Variants in MLF2 observed in about 807,000 individuals in gnomAD.
MLF2 encodes the protein myelodysplasia-myeloid leukemia factor 2.
MLF2 carries 12 observed loss-of-function variants against 31.4 expected under a neutral mutation model. The observed-to-expected ratio is 0.38, with a 90% confidence interval of 0.24 to 0.62. MLF2 has a LOEUF of 0.62. MLF2 is among the 20% of genes least tolerant of loss of function. The pLI, the probability that MLF2 is intolerant of heterozygous loss-of-function variation, is 0.58. For missense variants in MLF2, 272 were observed against 359.7 expected, an observed-to-expected ratio of 0.76 and a Z score of 1.97; for synonymous variants, 109 against 118.8, an observed-to-expected ratio of 0.92 and a Z score of 0.54.
Position 6,749,115 on chromosome 12 carries a change from T to C in MLF2, c.560-133A>G. 1.0e-6 allele frequency: 1 copy of C among 958,512 alleles called. No individual in the cohort carries two copies. Among genetic ancestry groups the C allele is most frequent in the South Asian group, 1.8e-5 (1 of 54,712 alleles). The allele number at this position is 958,512 out of a possible 1,614,324, so 59.4% of individuals were successfully genotyped here. A position where few individuals can be genotyped will look rare whatever the true frequency, so the allele number is the denominator to read the frequency against. ...CGTGCAGGGATGGGTGGGGTGGCAA[T>C]TCCCTTAGCTCTTTTGGTTTCTGCA... On this transcript the variant is annotated intron_variant, in intron 7 of 8. Coordinates refer to ENST00000203630, the MANE Select transcript of MLF2 (RefSeq NM_001382226.1). This position sits in a 1 kb window ranked among gnomAD's most constrained non-coding sequence, Gnocchi z 5.3.
Position 6,751,936 on chromosome 12 carries a change from G to A in MLF2, c.169C>T (p.Arg57Trp), listed in dbSNP as rs890848019. 7 of 1,614,014 alleles carry A rather than the reference G, an allele frequency of 4.3e-6. No homozygotes were observed. The highest frequency in any genetic ancestry group is 1.1e-5 in the South Asian group (1 of 91,088). ...CTCAGCATCATTACCTGCTGCATCC[G>A]GCGGCTGGCAGGCCTGGTCCCTGGC... is the stretch of plus-strand genomic sequence containing the variant. ...NMPGTRPASR[R>W]MQQAGAVSPF... The change falls in exon 3 of 9, where the codon CGG becomes TGG. Residue 57 changes from arginine to tryptophan, a missense_variant. Coordinates refer to ENST00000203630, the MANE Select transcript of MLF2 (RefSeq NM_001382226.1).
chr12:6,749,212 A>T lies in MLF2; in HGVS notation c.560-230T>A, dbSNP rs1296388481. Reference sequence around the variant, plus strand: ...AGAAATCAGAATGGGATTATTCTTCAGTTCAGGTTCACAGTCCTATGTGCA... The same window carrying T: ...AGAAATCAGAATGGGATTATTCTTCTGTTCAGGTTCACAGTCCTATGTGCA... On this transcript the variant is annotated intron_variant, in intron 7 of 8. Transcript: ENST00000203630. This position sits in a 1 kb window ranked among gnomAD's most constrained non-coding sequence, Gnocchi z 5.3. 6.6e-6 allele frequency among the ~76,000 whole-genome samples: 1 copy of T among 152,258 alleles called. No homozygotes were observed. Among genetic ancestry groups the T allele is most frequent in the Non-Finnish European group, 1.5e-5 (1 of 68,042 alleles).
rs1365374931 is a variant in MLF2, at chr12:6,750,675, G to A, written c.270+38C>T. ...ATGCAAGGTGTTGTCAGCCATCACT[G>A]AGAGCAAGGCCGGGGAAGGGTATGG... On this transcript the variant is annotated intron_variant, in intron 5 of 8. Transcript: ENST00000203630. This position sits in a 1 kb window ranked among gnomAD's most constrained non-coding sequence, Gnocchi z 5.3. 6.2e-7 allele frequency: 1 copy of A among 1,602,600 alleles called. No homozygotes were observed. Among genetic ancestry groups the A allele is most frequent in the African/African-American group, 1.3e-5 (1 of 74,786 alleles).
intron 4 of MLF2, chr12:6,751,221 C>CTT (rs58891397): frequency 7.7e-4 from 148 of 192,390 alleles, no homozygotes; most frequent in South Asian, 1.6e-3. Context: ...AACATCTTTT[C>CTT]TTTTTTTTTT....
chr12:6,752,403 G>T lies in MLF2; in HGVS notation c.-28-41C>A. ...AGCTCAGATACTTGGAGGTGGCCAG[G>T]GTTTTGCACACCCACTCAGTGTGGG... On this transcript the variant is annotated intron_variant, in intron 1 of 8. Transcript: ENST00000203630. The surrounding 1 kb of genome is among the most constrained non-coding windows in gnomAD (Gnocchi z 4.6). 2.0e-6 allele frequency: 3 copies of T among 1,493,032 alleles called. No homozygotes were observed. The highest frequency in any genetic ancestry group is 2.7e-6 in the Non-Finnish European group (3 of 1,095,230). The allele number at this position is 1,493,032 out of a possible 1,614,324, so 92.5% of individuals were successfully genotyped here.
chr12:6,751,922 T>C lies in MLF2; in HGVS notation c.180+3A>G. 1 of 1,614,140 alleles carries C rather than the reference T, an allele frequency of 6.2e-7. No individual in the cohort carries two copies. Among genetic ancestry groups the C allele is most frequent in the East Asian group, 2.2e-5 (1 of 44,892 alleles). On this transcript the variant is annotated splice_donor_region_variant and intron_variant, in intron 3 of 8. Coordinates refer to ENST00000203630, the MANE Select transcript of MLF2 (RefSeq NM_001382226.1). ...GGTCTCAGGTGTGTCTCAGCATCATTACCTGCTGCATCCGGCGGCTGGCAG... is the reference window on the plus strand; with the variant it reads ...GGTCTCAGGTGTGTCTCAGCATCATCACCTGCTGCATCCGGCGGCTGGCAG...
Position 6,750,297 on chromosome 12 carries a change from C to T in MLF2, c.279G>A (p.Met93Ile). The T allele has an allele frequency of 6.2e-7, 1 of 1,614,058 alleles. No individual in the cohort carries two copies. Among genetic ancestry groups the T allele is most frequent in the Non-Finnish European group, 8.5e-7 (1 of 1,179,980 alleles). Residue 93 changes from methionine (M) to isoleucine (I), a missense_variant, in exon 6 of 9, where the codon ATG becomes ATA. Physicochemically the swap from Met to Ile is conservative, Grantham distance 10. Transcript: ENST00000203630. The surrounding 1 kb of genome is among the most constrained non-coding windows in gnomAD (Gnocchi z 5.3). ...AGGTCTGGCAATTGCCTCCAGCTGT[C>T]ATGTGTTCCTGAGGACAGGGTAGGT... is the stretch of plus-strand genomic sequence containing the variant. ...MNDMIGNMEH[M>I]TAGGNCQTFS...
Position 6,748,495 on chromosome 12 carries a change from A to C in MLF2, c.*78T>G, listed in dbSNP as rs1185286415. ...ATTTAATATTAAATTGGGGATGGGAATCGAGAGGAAAAAGTTATTCAGGGG... is the reference window on the plus strand; with the variant it reads ...ATTTAATATTAAATTGGGGATGGGACTCGAGAGGAAAAAGTTATTCAGGGG... On this transcript the variant is annotated 3_prime_UTR_variant, in exon 9 of 9. Transcript: ENST00000203630. The surrounding 1 kb of genome is among the most constrained non-coding windows in gnomAD (Gnocchi z 4.6). 13 of 267,996 alleles carry C rather than the reference A, an allele frequency of 4.9e-5. No homozygotes were observed. The highest frequency in any genetic ancestry group is 6.5e-5 in the East Asian group (1 of 15,430). 16.6% of individuals were successfully genotyped at this position (267,996 alleles called of 1,614,324 possible).
intron 3 of MLF2, 92 bp downstream of exon 3, chr12:6,751,833 T>C: frequency 6.3e-7 from 1 of 1,580,332 alleles, no homozygotes; most frequent in Non-Finnish European, 8.7e-7. Flanking sequence ...GCATTTCACT[T>C]GCTCAGTTGG....
In MLF2 at chr12:6,748,923, G is replaced by A. The variant is rs1385473534; in HGVS notation, c.619C>T (p.Arg207Cys). Residue 207 changes from arginine to cysteine, a missense_variant, in exon 8 of 9, where the codon CGT (arginine) becomes TGT (cysteine). Coordinates refer to ENST00000203630, the MANE Select transcript of MLF2 (RefSeq NM_001382226.1). This position sits in a 1 kb window ranked among gnomAD's most constrained non-coding sequence, Gnocchi z 4.6. ...TCAAGCCGCCGAAACTCCAGGGGACGCTGCTGCCGGAATCGGGAGGTCTCC... is the reference window on the plus strand; with the variant it reads ...TCAAGCCGCCGAAACTCCAGGGGACACTGCTGCCGGAATCGGGAGGTCTCC... ...RRETSRFRQQRPLEFRRLESS... is the reference protein window; with the variant it reads ...RRETSRFRQQCPLEFRRLESS... 3.1e-6 allele frequency: 5 copies of A among 1,602,130 alleles called. No individual in the cohort carries two copies. Among genetic ancestry groups the A allele is most frequent in the Admixed American group, 3.4e-5 (2 of 58,656 alleles).
Position 6,751,773 on chromosome 12 carries a change from A to G in MLF2, c.181-97T>C, listed in dbSNP as rs1565475312. ...GGCCTCAATTTTTTTCCATCCTCTC[A>G]AAAGGGAGTCACAAAGCCCTTTTTC... On this transcript the variant is annotated intron_variant, in intron 3 of 8. Coordinates refer to ENST00000203630, the MANE Select transcript of MLF2 (RefSeq NM_001382226.1). 4.5e-6 allele frequency: 7 copies of G among 1,567,174 alleles called. No homozygotes were observed. In the East Asian group the frequency reaches 1.6e-4, roughly 35 times the overall value.
chr12:6,751,722 T>C, intron 3 of MLF2, 46 bp from the exon 4 acceptor site: 1 of 1,609,662 alleles, frequency 6.2e-7, no homozygotes, highest in Non-Finnish European at 8.5e-7. Context: ...ACATCCTATC[T>C]CTTTACAATC....
At position 6,752,268 on chromosome 12, in the gene MLF2, G is replaced by T. The variant is rs1200308024; in HGVS notation, c.50+17C>A. On this transcript the variant is annotated intron_variant, in intron 2 of 8. Transcript: ENST00000203630. This position sits in a 1 kb window ranked among gnomAD's most constrained non-coding sequence, Gnocchi z 4.6. Reference sequence around the variant, plus strand: ...GAGACCTGGAGTGGGAGAGCTTGAGGGGGAGGGAATACTCACATCAGGAAC... The same window carrying T: ...GAGACCTGGAGTGGGAGAGCTTGAGTGGGAGGGAATACTCACATCAGGAAC... 5 of 1,559,270 alleles carry T rather than the reference G, an allele frequency of 3.2e-6. No homozygotes were observed. The highest frequency in any genetic ancestry group is 1.2e-5 in the South Asian group (1 of 84,734).
rs756761408 is a variant in MLF2, at chr12:6,750,702, G to A, written c.270+11C>T. Reference sequence around the variant, plus strand: ...GAGCAAGGCCGGGGAAGGGTATGGGGCAAGTCTCACCATGTTTCCAATCAT... The same window carrying A: ...GAGCAAGGCCGGGGAAGGGTATGGGACAAGTCTCACCATGTTTCCAATCAT... On this transcript the variant is annotated intron_variant, in intron 5 of 8. Coordinates refer to ENST00000203630, the MANE Select transcript of MLF2 (RefSeq NM_001382226.1). The surrounding 1 kb of genome is among the most constrained non-coding windows in gnomAD (Gnocchi z 5.3). 2.5e-6 allele frequency: 4 copies of A among 1,613,672 alleles called. No individual in the cohort carries two copies. The Admixed American group carries it at 5.0e-5, about 20-fold the overall frequency.
rs1941633075 is a variant in MLF2 at position 6,752,597 on chromosome 12, C to T, written c.-28-235G>A. On this transcript the variant is annotated intron_variant, in intron 1 of 8. Coordinates refer to ENST00000203630, the MANE Select transcript of MLF2 (RefSeq NM_001382226.1). The surrounding 1 kb of genome is among the most constrained non-coding windows in gnomAD (Gnocchi z 4.6). ...TCCAACCCTCTCGGTTTTTCCCTCC[C>T]CCACTCAGAGCCATCCTCTTCCCAA... 3 of 454,146 alleles carry T rather than the reference C, an allele frequency of 6.6e-6. No homozygotes were observed. Among genetic ancestry groups the T allele is most frequent in the South Asian group, 2.9e-5 (1 of 34,248 alleles). The allele number at this position is 454,146 out of a possible 1,614,324, so 28.1% of individuals were successfully genotyped here.
rs1941594293 is a variant in MLF2, at chr12:6,750,234, A to G, written c.342T>C (p.Gly114=). 1 of 1,614,074 alleles carries G rather than the reference A, an allele frequency of 6.2e-7. No homozygotes were observed. Among genetic ancestry groups the G allele is most frequent in the Non-Finnish European group, 8.5e-7 (1 of 1,180,010 alleles). The change falls in exon 6 of 9, where the codon GGT becomes GGC. Residue 114 remains glycine, a synonymous_variant. Transcript: ENST00000203630. This position sits in a 1 kb window ranked among gnomAD's most constrained non-coding sequence, Gnocchi z 5.3. ...SSTVISYSNT[G]DGAPKVYQET... Reference sequence around the variant, plus strand: ...CTTGGTAGACCTTGGGGGCACCATCACCCGTATTGGAGTAGGAGATGACAG... The same window carrying G: ...CTTGGTAGACCTTGGGGGCACCATCGCCCGTATTGGAGTAGGAGATGACAG...
rs1010883138 is a variant in MLF2, at chr12:6,752,898, C to G, written c.-29+41G>C. 1 of 180,696 alleles carries G rather than the reference C, an allele frequency of 5.5e-6. No individual in the cohort carries two copies. Among genetic ancestry groups the G allele is most frequent in the Admixed American group, 6.2e-5 (1 of 16,128 alleles). 11.2% of individuals were successfully genotyped at this position (180,696 alleles called of 1,614,324 possible). ...CTCCCAGACCCTGCAGCCCCGTGGG[C>G]CCGCTCCCGTCCGGGGCTGCCAGCT... On this transcript the variant is annotated intron_variant, in intron 1 of 8. Transcript: ENST00000203630. This position sits in a 1 kb window ranked among gnomAD's most constrained non-coding sequence, Gnocchi z 4.6.
chr12:6,750,824 T>A lies in MLF2; in HGVS notation c.217-58A>T. 1 of 1,533,160 alleles carries A rather than the reference T, an allele frequency of 6.5e-7. No individual in the cohort carries two copies. The highest frequency in any genetic ancestry group is 9.0e-7 in the Non-Finnish European group (1 of 1,108,522). The allele number at this position is 1,533,160 out of a possible 1,614,324, so 95.0% of individuals were successfully genotyped here. On this transcript the variant is annotated intron_variant, in intron 4 of 8. Transcript: ENST00000203630. This position sits in a 1 kb window ranked among gnomAD's most constrained non-coding sequence, Gnocchi z 5.3. ...AAGCAAAGTCAGTGTTCAGAGTTGATCCTGTTTAGGAACCCACAACCCACA... is the reference window on the plus strand; with the variant it reads ...AAGCAAAGTCAGTGTTCAGAGTTGAACCTGTTTAGGAACCCACAACCCACA...
chr12:6,750,217 A>C lies in MLF2; in HGVS notation c.359T>G (p.Val120Gly). Residue 120 changes from valine (V) to glycine (G), a missense_variant, in exon 6 of 9, where the codon GTC becomes GGC. Coordinates refer to ENST00000203630, the MANE Select transcript of MLF2 (RefSeq NM_001382226.1). This position sits in a 1 kb window ranked among gnomAD's most constrained non-coding sequence, Gnocchi z 5.3. ...GCGCATCTCTGATGTCTCTTGGTAG[A>C]CCTTGGGGGCACCATCACCCGTATT... Reference protein sequence around the residue: ...YSNTGDGAPKVYQETSEMRSA... With the variant: ...YSNTGDGAPKGYQETSEMRSA... The C allele has an allele frequency of 6.2e-7, 1 of 1,614,174 alleles. No homozygotes were observed. The highest frequency in any genetic ancestry group is 8.5e-7 in the Non-Finnish European group (1 of 1,180,026).
Sources: allele counts gnomAD v4.1 joint callset (sites outside exome capture counted in the v4.1 genomes callset), GRCh38; gene constraint gnomAD v4.1.1; non-coding constraint Gnocchi (gnomAD v3.1); transcripts MANE v1.5; gene names NCBI Gene and HGNC (gene_info 2026-07-23, HGNC 2026-07-21).